Variants in PLXNC1 observed in about 807,000 individuals in gnomAD.
The protein encoded by PLXNC1 is plexin-C1.
In PLXNC1, 75 loss-of-function variants were observed where a neutral mutation model predicts 178.2. That is an observed-to-expected ratio of 0.42 (90% CI 0.35 to 0.51). PLXNC1 has a LOEUF of 0.51. Ranked by LOEUF, PLXNC1 falls within the 20% of genes least tolerant of loss-of-function variation. The pLI, the probability that PLXNC1 is intolerant of heterozygous loss-of-function variation, is 0.02. For missense variants in PLXNC1, 1,503 were observed against 1,984.4 expected (o/e 0.76, Z 4.61); for synonymous variants, 790 against 779.9 (o/e 1.01, Z -0.22).
At chr12:94,216,976 G>A (rs766851880) in intron 5 of PLXNC1, among the ~76,000 whole-genome samples, 1 of 151,952 alleles carries the variant, frequency 6.6e-6, no homozygotes, top group African/African-American at 2.4e-5. Context: ...AACTGTACTC[G>A]CCTGGACCCC....
In PLXNC1 at chr12:94,260,554, T is replaced by A; in HGVS notation, c.3252-88T>A. 2.4e-6 allele frequency: 2 copies of A among 849,544 alleles called. No homozygotes were observed. The highest frequency in any genetic ancestry group is 3.7e-6 in the Non-Finnish European group (2 of 538,524). The allele number at this position is 849,544 out of a possible 1,614,324, so 52.6% of individuals were successfully genotyped here. A position where few individuals can be genotyped will look rare whatever the true frequency, so the allele number is the denominator to read the frequency against. On this transcript the variant is annotated intron_variant, in intron 19 of 30. Coordinates refer to ENST00000258526, the MANE Select transcript of PLXNC1 (RefSeq NM_005761.3). This position sits in a 1 kb window ranked among gnomAD's most constrained non-coding sequence, Gnocchi z 4.4. ...CTCCCAACCCAACAGGCCAGCTCCC[T>A]GCCCTGCCAGTGAGCTTCCATGGAA...
chr12:94,215,235 TA>T lies in PLXNC1; in HGVS notation c.1555-4779del, dbSNP rs576830376. 1.4e-4 allele frequency among the ~76,000 whole-genome samples: 22 copies of T among 152,272 alleles called. No individual in the cohort carries two copies. In the East Asian group the frequency reaches 3.9e-3, roughly 27 times the overall value. ...ATAATTTATCATAGCAAAACCTTAT[TA>T]ATTAAAAACATAAGCATAAAGAAAA... On this transcript the variant is annotated intron_variant, in intron 5 of 30. Coordinates refer to ENST00000258526, the MANE Select transcript of PLXNC1 (RefSeq NM_005761.3).
chr12:94,177,627 G>A (rs1408442876), intron 2 of PLXNC1, among the ~76,000 whole-genome samples: 1 of 151,828 alleles, frequency 6.6e-6, no homozygotes, highest in Admixed American at 6.6e-5. Flanking sequence ...AGAAAGGAAA[G>A]GAAAAGCTTC....
At chr12:94,258,033 TAAAG>T (rs1423785441) in intron 17 of PLXNC1, among the ~76,000 whole-genome samples, 3 of 129,320 alleles carry the variant, frequency 2.3e-5, no homozygotes, top group African/African-American at 9.3e-5. Flanking sequence ...CAAAAAAAAA[TAAAG>T]AATTGCTTGA....
chr12:94,281,617 C>T (rs1966448367), intron 22 of PLXNC1, among the ~76,000 whole-genome samples: 1 of 151,942 alleles, frequency 6.6e-6, no homozygotes, highest in Admixed American at 6.6e-5. Context: ...AGACAAGTCT[C>T]ACTATGTTGC....
chr12:94,275,387 T>TC (rs1965853237), intron 21 of PLXNC1, among the ~76,000 whole-genome samples: 1 of 152,152 alleles, frequency 6.6e-6, no homozygotes, highest in Non-Finnish European at 1.5e-5. Context: ...TCGAGGTGTC[T>TC]CCCCCGATGG....
chr12:94,224,283 A>G lies in PLXNC1; in HGVS notation c.1758A>G (p.Arg586=). 2 of 1,591,526 alleles carry G rather than the reference A, an allele frequency of 1.3e-6. No homozygotes were observed. Among genetic ancestry groups the G allele is most frequent in the Non-Finnish European group, 8.6e-7 (1 of 1,159,390 alleles). ...TCGGTTCTTGGAATTTATCAGACAG[A>G]TTCAACTTTACCAACTGCTCATCAT... is the stretch of plus-strand genomic sequence containing the variant. ...FSFGSWNLSD[R]FNFTNCSSLK... The change falls in exon 7 of 31, where the codon AGA becomes AGG. Residue 586 remains arginine (R), a synonymous_variant. Coordinates refer to ENST00000258526, the MANE Select transcript of PLXNC1 (RefSeq NM_005761.3).
At chr12:94,244,746 C>T (rs1202450635) in intron 12 of PLXNC1, among the ~76,000 whole-genome samples, 1 of 152,188 alleles carries the variant, frequency 6.6e-6, no homozygotes, top group African/African-American at 2.4e-5. Flanking sequence ...GCATAATTTC[C>T]GTGATATCCA....
intron 21 of PLXNC1, among the ~76,000 whole-genome samples, chr12:94,276,595 C>G (rs1383728192): frequency 6.6e-6 from 1 of 152,208 alleles, no homozygotes; most frequent in East Asian, 1.9e-4. Context: ...TGAGCTGTTC[C>G]TGGAGCAAGT....
chr12:94,219,985 A>G (rs1211890427), intron 5 of PLXNC1, 31 bp from the exon 6 acceptor site: 5 of 1,599,384 alleles, frequency 3.1e-6, no homozygotes, highest in Non-Finnish European at 4.3e-6. Context: ...GGCAAAAATC[A>G]TCATTTTTTC....
chr12:94,288,462 CAGA>C (rs940149254), intron 23 of PLXNC1, among the ~76,000 whole-genome samples: 19 of 152,186 alleles, frequency 1.2e-4, no homozygotes, highest in African/African-American at 4.6e-4. Flanking sequence ...TAATAGGCCG[CAGA>C]AGGAGCTGGC....
intron 4 of PLXNC1, among the ~76,000 whole-genome samples, chr12:94,193,727 G>A (rs1962810151): frequency 6.6e-6 from 1 of 152,134 alleles, no homozygotes; most frequent in Non-Finnish European, 1.5e-5. Context: ...GTGAGTTATT[G>A]CATTGAAGCT....
intron 6 of PLXNC1, among the ~76,000 whole-genome samples, chr12:94,223,674 CCAATGAGTAGGT>C (rs1963856244): frequency 6.6e-6 from 1 of 152,180 alleles, no homozygotes; most frequent in African/African-American, 2.4e-5. Flanking sequence ...GGTTTTCTAA[CCAATGAGTAGGT>C]TTTCAAAGGC....
At chr12:94,239,995 G>A (rs1193967482) in intron 10 of PLXNC1, among the ~76,000 whole-genome samples, 1 of 152,086 alleles carries the variant, frequency 6.6e-6, no homozygotes, top group East Asian at 1.9e-4. Context: ...GCCATTCCCG[G>A]TTTCAAAGCC....
At chr12:94,192,299 ACATT>A (rs1012880010) in intron 4 of PLXNC1, among the ~76,000 whole-genome samples, 3 of 152,262 alleles carry the variant, frequency 2.0e-5, no homozygotes, top group Admixed American at 2.0e-4. Context: ...TCAATGGCCA[ACATT>A]CATTCATTCA....
At chr12:94,261,568 C>T (rs1436445916) in intron 20 of PLXNC1, among the ~76,000 whole-genome samples, 2 of 152,148 alleles carry the variant, frequency 1.3e-5, no homozygotes, top group Admixed American at 6.5e-5. Context: ...TTGGCCGTTA[C>T]GATTATAAAA....
chr12:94,157,180 G>A (rs1473313821), intron 1 of PLXNC1, among the ~76,000 whole-genome samples: 1 of 152,088 alleles, frequency 6.6e-6, no homozygotes, highest in African/African-American at 2.4e-5. Context: ...GGCAGGTGCT[G>A]GCCCCTGGTC....
At chr12:94,227,263 G>A (rs776218160) in intron 9 of PLXNC1, 28 bp downstream of exon 9, 3 of 1,357,934 alleles carry the variant, frequency 2.2e-6, no homozygotes, top group Non-Finnish European at 2.1e-6. Context: ...TGTGGTTGAG[G>A]GGAAAACCTG....
At chr12:94,229,016 C>T (rs543525058) in intron 9 of PLXNC1, among the ~76,000 whole-genome samples, 2 of 152,316 alleles carry the variant, frequency 1.3e-5, no homozygotes, top group East Asian at 3.9e-4. Context: ...TTTGCATTCC[C>T]ACCAACAGTG....
Sources: gnomAD v4.1 joint callset for allele counts (sites outside exome capture counted in the v4.1 genomes callset) on GRCh38, gnomAD v4.1.1 for gene constraint, Gnocchi (gnomAD v3.1) non-coding constraint, MANE v1.5 for transcripts, NCBI Gene and HGNC (gene_info 2026-07-23, HGNC 2026-07-21) for gene names.